The following ELFN1 variants were observed in gnomAD, a reference collection of about 807,000 sequenced individuals.
The protein encoded by ELFN1 is protein ELFN1.
In ELFN1, 6 loss-of-function variants were observed where a neutral mutation model predicts 7.6. That is an observed-to-expected ratio of 0.79 (90% CI 0.43 to 1.56). The LOEUF (loss-of-function observed/expected upper bound fraction) is 1.56. Among genes scored for constraint, ELFN1 ranks in the 40% most tolerant of loss-of-function variants. The probability of loss-of-function intolerance (pLI) is 0.01; values close to 1 mark genes in which losing one functional copy is unlikely to be tolerated. For synonymous variants in ELFN1, 657 were observed against 588.1 expected (o/e 1.12, Z -1.70); for missense variants, 1,169 against 1,232.2 (o/e 0.95, Z 0.77).
chr7:1,704,878 G>A (rs970226280), intron 2 of ELFN1, among the ~76,000 whole-genome samples: 1 of 152,128 alleles, frequency 6.6e-6, no homozygotes, highest in Admixed American at 6.5e-5. Context: ...CAGGGCTCGA[G>A]GTCAGCTTAG....
At chr7:1,680,869 G>A (rs1032115350) in intron 1 of ELFN1, among the ~76,000 whole-genome samples, 1 of 151,662 alleles carries the variant, frequency 6.6e-6, no homozygotes, top group Admixed American at 6.6e-5. Flanking sequence ...AGCCTCCTGA[G>A]TAGCTGGGAT....
intron 3 of ELFN1, among the ~76,000 whole-genome samples, chr7:1,710,944 A>G (rs773592656): frequency 5.3e-5 from 8 of 152,200 alleles, no homozygotes; most frequent in Admixed American, 1.3e-4. Context: ...CCACCCAGCA[A>G]AATCTTCACA....
chr7:1,666,082 C>T (rs1331929307), upstream of ELFN1, among the ~76,000 whole-genome samples: 1 of 151,858 alleles, frequency 6.6e-6, no homozygotes, highest in Non-Finnish European at 1.5e-5. This position sits in a 1 kb window ranked among gnomAD's most constrained non-coding sequence, Gnocchi z 7.9. Flanking sequence ...GAAGCCGCCG[C>T]CGCCGCCGCC....
At chr7:1,674,967 G>A (rs943136796) in intron 1 of ELFN1, among the ~76,000 whole-genome samples, 10 of 132,350 alleles carry the variant, frequency 7.6e-5, no homozygotes, top group African/African-American at 2.8e-4. Flanking sequence ...GGCAGTGGCC[G>A]CAAGCCACTG....
chr7:1,697,024 C>T (rs1287525909), intron 2 of ELFN1, among the ~76,000 whole-genome samples: 1 of 152,232 alleles, frequency 6.6e-6, no homozygotes, highest in Non-Finnish European at 1.5e-5. Flanking sequence ...GGTGACTCGC[C>T]CAGGCTGGGG....
In ELFN1 at chr7:1,745,115, C is replaced by T. The variant is rs1047130418; in HGVS notation, c.519C>T (p.Ser173=). The stretch of plus-strand genomic sequence containing the variant: ...TGAACCGCATCCAGCAGCTCAACAG[C>T]GGCACCTTCGCCGGCCTGGCCAAGC... ...LSMNRIQQLN[S]GTFAGLAKLS... The change falls in exon 4 of 4, where the codon AGC becomes AGT. Residue 173 remains serine, a synonymous_variant. Transcript: ENST00000424383. 9.2e-5 allele frequency: 143 copies of T among 1,550,778 alleles called. No individual in the cohort carries two copies. Among genetic ancestry groups the T allele is most frequent in the South Asian group, 1.2e-4 (10 of 84,060 alleles).
At chr7:1,726,410 A>C (rs929245597) in intron 3 of ELFN1, among the ~76,000 whole-genome samples, 5 of 152,224 alleles carry the variant, frequency 3.3e-5, no homozygotes, top group Admixed American at 2.0e-4. Flanking sequence ...GACCCTGCCA[A>C]ATGTGCCCGC....
At position 1,740,903 on chromosome 7, in the gene ELFN1, G is replaced by A. The variant is rs1236922251; in HGVS notation, c.-293-3401G>A. On this transcript the variant is annotated intron_variant, in intron 3 of 3. Coordinates refer to ENST00000424383, the MANE Select transcript of ELFN1 (RefSeq NM_001128636.4). This position sits in a 1 kb window ranked among gnomAD's most constrained non-coding sequence, Gnocchi z 5.0. The stretch of plus-strand genomic sequence containing the variant: ...CCAGCACTTTGGGAGGCCAAGGCAG[G>A]TGGATCACCTGAGGTCAGGAGTTCG... Among the ~76,000 whole-genome samples, 1 of 152,176 alleles carries A rather than the reference G, an allele frequency of 6.6e-6. No individual in the cohort carries two copies. Among genetic ancestry groups the A allele is most frequent in the Non-Finnish European group, 1.5e-5 (1 of 68,030 alleles).
chr7:1,711,562 G>C (rs1436872028), intron 3 of ELFN1, among the ~76,000 whole-genome samples: 1 of 129,918 alleles, frequency 7.7e-6, no homozygotes, highest in South Asian at 2.6e-4. Context: ...ACCTTGAAGA[G>C]AGAGCGAGAG....
intron 3 of ELFN1, among the ~76,000 whole-genome samples, chr7:1,714,965 C>G (rs1779784890): frequency 6.6e-6 from 1 of 152,208 alleles, no homozygotes; most frequent in Non-Finnish European, 1.5e-5. Context: ...CGTTTGTCCT[C>G]ATGGCCTCAG....
In ELFN1 at chr7:1,746,832, C is replaced by G; in HGVS notation, c.2236C>G (p.Arg746Gly). The G allele has an allele frequency of 5.2e-6, 8 of 1,536,286 alleles. No individual in the cohort carries two copies. The highest frequency in any genetic ancestry group is 2.5e-5 in the East Asian group (1 of 40,274). ...ILEPLTRPRP[R>G]DLAYSQLSPQ... is the part of the protein sequence containing the mutation. ...GGAGCCACTCACCCGGCCGCGGCCC[C>G]GCGACCTCGCCTACTCGCAGCTGTC... Residue 746 changes from arginine to glycine, a missense_variant, in exon 4 of 4, where the codon CGC becomes GGC. By Grantham distance (125) the Arg-to-Gly change is moderately radical (BLOSUM62 -2). This residue lies in a region of ELFN1 where 914 missense variants were observed against 872.6 expected (regional missense o/e 1.05). Coordinates refer to ENST00000424383, the MANE Select transcript of ELFN1 (RefSeq NM_001128636.4).
intron 3 of ELFN1, among the ~76,000 whole-genome samples, chr7:1,732,158 G>A (rs1007408971): frequency 3.3e-5 from 5 of 152,256 alleles, no homozygotes; most frequent in African/African-American, 7.2e-5. Context: ...AGGCAGCCCC[G>A]GTTACAGAGG....
At chr7:1,666,074 AGCCGCCGCC>A (rs908277705), upstream of ELFN1, among the ~76,000 whole-genome samples, 6 of 148,808 alleles carry the variant, frequency 4.0e-5, no homozygotes, top group African/African-American at 7.4e-5. The surrounding 1 kb of genome is among the most constrained non-coding windows in gnomAD (Gnocchi z 7.9). Context: ...AAGGAGGGGA[AGCCGCCGCC>A]GCCGCCGCCG....
At chr7:1,721,657 G>C (rs1444502734) in intron 3 of ELFN1, among the ~76,000 whole-genome samples, 1 of 152,212 alleles carries the variant, frequency 6.6e-6, no homozygotes, top group Non-Finnish European at 1.5e-5. Context: ...AGTCCATCGG[G>C]TGTTTCCTCA....
upstream of ELFN1, among the ~76,000 whole-genome samples, chr7:1,668,723 A>C (rs1447257675): frequency 2.0e-5 from 3 of 152,216 alleles, no homozygotes; most frequent in Admixed American, 2.0e-4. Context: ...CCAGGCTTGC[A>C]GTATCTATCT....
rs532829046 is a variant in ELFN1 at position 1,745,928 on chromosome 7, G to C, written c.1332G>C (p.Arg444=). Residue 444 remains arginine (R), a synonymous_variant, in exon 4 of 4, where the codon CGG becomes CGC. Transcript: ENST00000424383. ...GAVYYCLRRR[R]RQEEKHKKAA... ...TCTACTACTGCCTGCGCAGGCGGCG[G>C]CGCCAGGAGGAGAAGCACAAGAAGG... is the stretch of plus-strand genomic sequence containing the variant. 2 of 1,564,028 alleles carry C rather than the reference G, an allele frequency of 1.3e-6. No homozygotes were observed. Among genetic ancestry groups the C allele is most frequent in the South Asian group, 1.2e-5 (1 of 85,114 alleles).
chr7:1,737,518 C>A (rs1257014100), intron 3 of ELFN1, among the ~76,000 whole-genome samples: 1 of 152,224 alleles, frequency 6.6e-6, no homozygotes, highest in Non-Finnish European at 1.5e-5. Flanking sequence ...CGCCCTCCAC[C>A]CATCCAGGAG....
At position 1,695,451 on chromosome 7, in the gene ELFN1, T is replaced by G. The variant is rs186813242; in HGVS notation, c.-456+7301T>G. On this transcript the variant is annotated intron_variant, in intron 2 of 3. Coordinates refer to ENST00000424383, the MANE Select transcript of ELFN1 (RefSeq NM_001128636.4). This position sits in a 1 kb window ranked among gnomAD's most constrained non-coding sequence, Gnocchi z 5.1. ...GCCCGCCAAGCCCATGAACCCCACTTTGAAAACTGTGCAGCCGTGCGCGGC... is the reference window on the plus strand; with the variant it reads ...GCCCGCCAAGCCCATGAACCCCACTGTGAAAACTGTGCAGCCGTGCGCGGC... Among the ~76,000 whole-genome samples the G allele has an allele frequency of 5.3e-5, 8 of 152,196 alleles. No homozygotes were observed. Among genetic ancestry groups the G allele is most frequent in the African/African-American group, 1.7e-4 (7 of 41,518 alleles).
At position 1,697,048 on chromosome 7, in the gene ELFN1, G is replaced by A. The variant is rs141771181; in HGVS notation, c.-456+8898G>A. On this transcript the variant is annotated intron_variant, in intron 2 of 3. Coordinates refer to ENST00000424383, the MANE Select transcript of ELFN1 (RefSeq NM_001128636.4). ...CCCAGGCTGGGGTCCAAGGCCCAGCGCCCCTCACTGGCTTTGTGACCTTGG... is the reference window on the plus strand; with the variant it reads ...CCCAGGCTGGGGTCCAAGGCCCAGCACCCCTCACTGGCTTTGTGACCTTGG... 1.8e-4 allele frequency among the ~76,000 whole-genome samples: 27 copies of A among 152,342 alleles called. No individual in the cohort carries two copies. In the East Asian group the frequency reaches 1.9e-3, roughly 11 times the overall value.
Sources: gnomAD v4.1 joint callset for allele counts (sites outside exome capture counted in the v4.1 genomes callset) on GRCh38, gnomAD v4.1.1 for gene constraint, gnomAD v4.1.1 regional missense constraint, Gnocchi (gnomAD v3.1) non-coding constraint, MANE v1.5 for transcripts, NCBI Gene and HGNC (gene_info 2026-07-23, HGNC 2026-07-21) for gene names.